The following RGS7 variants were observed in gnomAD, a reference collection of about 807,000 sequenced individuals.
The protein encoded by RGS7 is regulator of G-protein signaling 7.
RGS7 carries 27 observed loss-of-function variants against 81.1 expected under a neutral mutation model. The ratio of observed to expected loss-of-function variants is 0.33; its 90% CI spans 0.25 to 0.46. RGS7 has a LOEUF of 0.46. Among genes scored for constraint, RGS7 ranks in the 20% least tolerant of loss-of-function variants. The pLI, the probability that RGS7 is intolerant of heterozygous loss-of-function variation, is 1.00. For missense variants in RGS7, 396 were observed against 607.4 expected, an observed-to-expected ratio of 0.65 and a Z score of 3.66; for synonymous variants, 208 against 207.7, an observed-to-expected ratio of 1.00 and a Z score of -0.01.
chr1:241,067,306 A>G (rs1444875899), intron 3 of RGS7, among the ~76,000 whole-genome samples: 1 of 152,042 alleles, frequency 6.6e-6, no homozygotes, highest in African/African-American at 2.4e-5. Flanking sequence ...GACATTTAGT[A>G]GGCTCTGTAT....
intron 6 of RGS7, among the ~76,000 whole-genome samples, chr1:240,881,056 CA>C: frequency 6.6e-6 from 1 of 152,114 alleles, no homozygotes; most frequent in Non-Finnish European, 1.5e-5. Context: ...TTTAGAACCA[CA>C]GTGATTTTTG....
intron 2 of RGS7, among the ~76,000 whole-genome samples, chr1:241,227,638 T>C (rs1466871559): frequency 6.7e-6 from 1 of 149,466 alleles, no homozygotes; most frequent in Non-Finnish European, 1.5e-5. Flanking sequence ...TCCTAGAAGC[T>C]GAGATGGGAG....
In RGS7 at chr1:241,161,503, T is replaced by G. The variant is rs538798138; in HGVS notation, c.79-62741A>C. On this transcript the variant is annotated intron_variant, in intron 2 of 18. Transcript: ENST00000440928. ...AACTAATATATAATAATTATATTAT[T>G]ATAACTAATAACTAATAATAACTAA... 5.4e-5 allele frequency among the ~76,000 whole-genome samples: 8 copies of G among 147,410 alleles called. No homozygotes were observed. The South Asian group carries it at 1.7e-3, about 31-fold the overall frequency.
chr1:240,777,194 A>C (rs1683095269), intron 18 of RGS7, among the ~76,000 whole-genome samples: 1 of 152,058 alleles, frequency 6.6e-6, no homozygotes, highest in South Asian at 2.1e-4. Flanking sequence ...ACTCAGGAGA[A>C]TCACTTGAAC....
At chr1:241,123,566 C>T (rs1435107377) in intron 2 of RGS7, among the ~76,000 whole-genome samples, 1 of 152,186 alleles carries the variant, frequency 6.6e-6, no homozygotes, top group Non-Finnish European at 1.5e-5. Flanking sequence ...GCCTGACCAA[C>T]ATGGAGAAAC....
chr1:240,978,486 G>A (rs1408294560), intron 4 of RGS7, among the ~76,000 whole-genome samples: 3 of 152,108 alleles, frequency 2.0e-5, no homozygotes, highest in African/African-American at 4.8e-5. Flanking sequence ...TTAAACATGC[G>A]ATAATAGATA....
intron 3 of RGS7, among the ~76,000 whole-genome samples, chr1:241,079,390 G>T (rs190150993): frequency 6.6e-6 from 1 of 152,102 alleles, no homozygotes; most frequent in Non-Finnish European, 1.5e-5. Context: ...GCTTAAAGCC[G>T]TTATTAAGGA....
At chr1:240,999,140 G>A (rs1437429271) in intron 3 of RGS7, among the ~76,000 whole-genome samples, 1 of 151,934 alleles carries the variant, frequency 6.6e-6, no homozygotes, top group Non-Finnish European at 1.5e-5. Flanking sequence ...GTCCTTTTCA[G>A]TCCTAAAGTT....
intron 2 of RGS7, among the ~76,000 whole-genome samples, chr1:241,155,087 T>C (rs532658541): frequency 6.6e-6 from 1 of 152,318 alleles, no homozygotes; most frequent in East Asian, 1.9e-4. Context: ...TTGATTAATA[T>C]TGCAATACAA....
chr1:241,275,983 A>T (rs1207561985), intron 2 of RGS7, among the ~76,000 whole-genome samples: 1 of 152,338 alleles, frequency 6.6e-6, no homozygotes. Flanking sequence ...TACCTTATAC[A>T]GGCTTGCGTG....
rs536725532 is a variant in RGS7 at position 240,819,083 on chromosome 1, T to C, written c.685-2668A>G. On this transcript the variant is annotated intron_variant, in intron 10 of 18. Coordinates refer to ENST00000440928, the MANE Select transcript of RGS7 (RefSeq NM_001364886.1). ...CAATTAAAATTAGGCAACAGAAAGA[T>C]CACCAATTATATAATAGTTCTACCT... Among the ~76,000 whole-genome samples, 10 of 152,298 alleles carry C rather than the reference T, an allele frequency of 6.6e-5. No individual in the cohort carries two copies. In the South Asian group the frequency reaches 1.0e-3, roughly 16 times the overall value.
At chr1:241,297,245 G>A (rs1027809191) in intron 2 of RGS7, among the ~76,000 whole-genome samples, 3 of 152,180 alleles carry the variant, frequency 2.0e-5, no homozygotes, top group Middle Eastern at 3.2e-3. Flanking sequence ...ATTTATGGAA[G>A]AATGGATGGA....
At chr1:241,160,465 C>A (rs189886489) in intron 2 of RGS7, among the ~76,000 whole-genome samples, 2 of 151,262 alleles carry the variant, frequency 1.3e-5, no homozygotes, top group African/African-American at 4.9e-5. Context: ...GGACTCATCC[C>A]CTGAACGGTG....
chr1:240,886,503 C>A (rs1243282977), intron 6 of RGS7, among the ~76,000 whole-genome samples: 1 of 152,160 alleles, frequency 6.6e-6, no homozygotes, highest in East Asian at 1.9e-4. Context: ...AAAATGTAAA[C>A]CCCAAATGAT....
At chr1:240,967,427 T>C (rs1682486700) in intron 4 of RGS7, among the ~76,000 whole-genome samples, 1 of 152,160 alleles carries the variant, frequency 6.6e-6, no homozygotes, top group South Asian at 2.1e-4. Flanking sequence ...TTTCTTCTTC[T>C]ATCCCTGGAG....
intron 3 of RGS7, among the ~76,000 whole-genome samples, chr1:241,033,369 G>A (rs760803606): frequency 1.9e-4 from 29 of 151,996 alleles, no homozygotes; most frequent in Non-Finnish European, 3.2e-4. Flanking sequence ...CTGGCTGGGG[G>A]AGCGGGGGAG....
chr1:240,950,443 C>T (rs1340983791), intron 4 of RGS7, among the ~76,000 whole-genome samples: 1 of 152,104 alleles, frequency 6.6e-6, no homozygotes, highest in Non-Finnish European at 1.5e-5. Flanking sequence ...TGTCTCTCAC[C>T]GAAGGGAGGA....
chr1:240,863,337 T>G (rs1662597708), intron 9 of RGS7, among the ~76,000 whole-genome samples: 1 of 152,036 alleles, frequency 6.6e-6, no homozygotes, highest in Admixed American at 6.5e-5. Context: ...TAGCTGGGCG[T>G]GGTGGCATGC....
intron 3 of RGS7, among the ~76,000 whole-genome samples, chr1:241,008,816 G>A (rs1328321834): frequency 6.7e-6 from 1 of 149,700 alleles, no homozygotes; most frequent in Non-Finnish European, 1.5e-5. Flanking sequence ...GTACGTTGAG[G>A]CAGGAGAATT....
Sources: allele counts gnomAD v4.1 joint callset (sites outside exome capture counted in the v4.1 genomes callset), GRCh38; gene constraint gnomAD v4.1.1; transcripts MANE v1.5; gene names NCBI Gene and HGNC (gene_info 2026-07-23, HGNC 2026-07-21).